IGSF22: variants seen among roughly 807,000 people sequenced by gnomAD.
IGSF22 encodes immunoglobulin superfamily member 22, also known as immunoglobulin superfamily, member 22.
In IGSF22, 119 loss-of-function variants were observed where a neutral mutation model predicts 127.0. The ratio of observed to expected loss-of-function variants is 0.94; its 90% CI spans 0.81 to 1.09. The LOEUF is 1.09. Ranked by LOEUF, IGSF22 falls within the 50% of genes least tolerant of loss-of-function variation. The pLI is 0.00. For missense variants in IGSF22, 1,518 were observed against 1,716.6 expected, an observed-to-expected ratio of 0.88 and a Z score of 2.04; for synonymous variants, 568 against 664.7, an observed-to-expected ratio of 0.85 and a Z score of 2.24.
chr11:18,713,177 G>C (rs1258275813), intron 14 of IGSF22, among the ~76,000 whole-genome samples: 1 of 138,594 alleles, frequency 7.2e-6, no homozygotes, highest in Admixed American at 7.5e-5. Context: ...TTTGGTGACA[G>C]AGTCTTGCTC....
Position 18,714,398 on chromosome 11 carries a change from C to A in IGSF22, c.1677G>T (p.Met559Ile). 1 of 1,614,048 alleles carries A rather than the reference C, an allele frequency of 6.2e-7. No individual in the cohort carries two copies. Residue 559 changes from methionine to isoleucine, a missense_variant, in exon 13 of 23, where the codon ATG (methionine) becomes ATT (isoleucine). By Grantham distance (10) the Met-to-Ile change is conservative (BLOSUM62 1). Transcript: ENST00000513874. ...DGKEITDLPG[M>I]QIVKQGAVHK... is the part of the protein sequence containing the mutation. ...GCACTGCACCCTGCTTCACAATCTG[C>A]ATGCCTGGCAAGTCCGTGATCTGGG...
intron 21 of IGSF22, chr11:18,706,638 T>C (rs1298155282): frequency 5.2e-5 from 16 of 309,054 alleles, no homozygotes; most frequent in African/African-American, 3.0e-4. Context: ...GACCCTCCCC[T>C]CAGAGCAGAA....
In IGSF22 at chr11:18,710,737, T is replaced by TC. The variant is rs1270845608; in HGVS notation, c.2489dup (p.Ala831SerfsTer43). The TC allele has an allele frequency of 6.2e-7, 1 of 1,613,976 alleles. No homozygotes were observed. The highest frequency in any genetic ancestry group is 1.3e-5 in the African/African-American group (1 of 74,908). On this transcript the variant is annotated frameshift_variant, in exon 16 of 23. Transcript: ENST00000513874. LOFTEE classifies it high-confidence loss of function. Reference sequence around the variant, plus strand: ...CTACAATGTAGCCGAGCACTGGGGCTCCCCCATCCTGGGTAGGGGCATTCC... The same window carrying TC: ...CTACAATGTAGCCGAGCACTGGGGCTCCCCCCATCCTGGGTAGGGGCATTCC...
rs867467413 is a variant in IGSF22 at position 18,712,200 on chromosome 11, G to T, written c.2280C>A (p.Asn760Lys). Residue 760 changes from asparagine to lysine, a missense_variant, in exon 15 of 23, where the codon AAC becomes AAA. By Grantham distance (94) the Asn-to-Lys change is moderately conservative (BLOSUM62 0). This residue lies in a region of IGSF22 where 1,456 missense variants were observed against 1,644.9 expected (regional missense o/e 0.89). Coordinates refer to ENST00000513874, the MANE Select transcript of IGSF22 (RefSeq NM_173588.4). ...KIGEVDGKVT[N>K]FSTNKVEEGK... The stretch of plus-strand genomic sequence containing the variant: ...CCTCTTCCACCTTGTTGGTGGAGAA[G>T]TTGGTGACTTTGCCGTCCACCTCGC... 45 of 1,551,762 alleles carry T rather than the reference G, an allele frequency of 2.9e-5. No homozygotes were observed. Among genetic ancestry groups the T allele is most frequent in the African/African-American group, 2.9e-4 (21 of 73,180 alleles).
At chr11:18,711,938 T>A in intron 15 of IGSF22, 144 bp downstream of exon 15, 1 of 714,786 alleles carries the variant, frequency 1.4e-6, no homozygotes, top group South Asian at 1.9e-5. Context: ...TGATGTTCTG[T>A]TTTTACTCTG....
rs751602308 is a variant in IGSF22 at position 18,720,208 on chromosome 11, G to T, written c.456C>A (p.Thr152=). Residue 152 remains threonine, a synonymous_variant, in exon 5 of 23, where the codon ACC becomes ACA. Transcript: ENST00000513874. ...ASNDHADAIY[T]VSLLVTEGQE... ...CACCTTCTGTTACCAGCAGAGATAC[G>T]GTATAGATGGCATCTGCATGGTCAT... 6.2e-7 allele frequency: 1 copy of T among 1,613,968 alleles called. No homozygotes were observed. The highest frequency in any genetic ancestry group is 8.5e-7 in the Non-Finnish European group (1 of 1,179,974).
Position 18,709,089 on chromosome 11 carries a change from A to G in IGSF22, c.2998+298T>C, listed in dbSNP as rs1848301300. Among the ~76,000 whole-genome samples the G allele has an allele frequency of 6.6e-6, 1 of 152,226 alleles. No homozygotes were observed. On this transcript the variant is annotated intron_variant, in intron 18 of 22. Coordinates refer to ENST00000513874, the MANE Select transcript of IGSF22 (RefSeq NM_173588.4). This position sits in a 1 kb window ranked among gnomAD's most constrained non-coding sequence, Gnocchi z 4.8. ...ATACAGCATGGCTGGCCTTGTGTCC[A>G]TTAAACTCTTTGTTGCAATGCTGTG...
intron 4 of IGSF22, among the ~76,000 whole-genome samples, chr11:18,721,127 C>A (rs1848563408): frequency 6.6e-6 from 1 of 152,162 alleles, no homozygotes; most frequent in African/African-American, 2.4e-5. Flanking sequence ...GAGCCCCTGA[C>A]CCTCACCCCT....
In IGSF22 at chr11:18,704,423, ACT is replaced by A. The variant is rs2134152924; in HGVS notation, c.*43_*44del. The A allele has an allele frequency of 1.5e-6, 2 of 1,371,448 alleles. No homozygotes were observed. The highest frequency in any genetic ancestry group is 5.0e-5 in the East Asian group (2 of 39,998). The allele number at this position is 1,371,448 out of a possible 1,614,324, so 85.0% of individuals were successfully genotyped here. On this transcript the variant is annotated 3_prime_UTR_variant, in exon 23 of 23. Coordinates refer to ENST00000513874, the MANE Select transcript of IGSF22 (RefSeq NM_173588.4). ...GGCCATGCAGAGGACAGGCCAAGAA[ACT>A]CCACATCATAACAGCCTCCTGATGC...
In IGSF22 at chr11:18,716,570, G is replaced by C. The variant is rs79483395; in HGVS notation, c.1246+158C>G. Reference sequence around the variant, plus strand: ...ATACCTGCCTCCCCTACTAGACTAGGGGTTAACAGAGAGGAGATCCCCCTG... The same window carrying C: ...ATACCTGCCTCCCCTACTAGACTAGCGGTTAACAGAGAGGAGATCCCCCTG... On this transcript the variant is annotated intron_variant, in intron 10 of 22. Transcript: ENST00000513874. This position sits in a 1 kb window ranked among gnomAD's most constrained non-coding sequence, Gnocchi z 4.5. 1.3e-5 allele frequency among the ~76,000 whole-genome samples: 2 copies of C among 152,066 alleles called. No homozygotes were observed. The highest frequency in any genetic ancestry group is 2.9e-5 in the Non-Finnish European group (2 of 68,012).
intron 20 of IGSF22, 37 bp downstream of exon 20, chr11:18,707,767 G>A (rs1848270097): frequency 1.3e-6 from 2 of 1,526,514 alleles, no homozygotes; most frequent in Admixed American, 2.0e-5. Context: ...AGAGTGTACA[G>A]GGATGGGTCT....
chr11:18,712,045 C>T, intron 15 of IGSF22, 37 bp downstream of exon 15: 1 of 1,518,644 alleles, frequency 6.6e-7, no homozygotes, highest in Admixed American at 2.0e-5. Flanking sequence ...ATGCTGACCC[C>T]TGGGTTCCCC....
In IGSF22 at chr11:18,705,855, A is replaced by C; in HGVS notation, c.3872T>G (p.Leu1291Arg). The C allele has an allele frequency of 6.4e-7, 1 of 1,550,784 alleles. No homozygotes were observed. Among genetic ancestry groups the C allele is most frequent in the Non-Finnish European group, 8.7e-7 (1 of 1,146,894 alleles). ...GDYSVLVENELGKDRSSCTLT... is the reference protein window; with the variant it reads ...GDYSVLVENERGKDRSSCTLT... ...CGTGCAGCTGCTGCGGTCCTTGCCC[A>C]GCTCGTTCTCCACCAGCACGCTGTA... The change falls in exon 22 of 23, where the codon CTG becomes CGG. Residue 1291 changes from leucine to arginine, a missense_variant. Physicochemically the swap from Leu to Arg is moderately radical, Grantham distance 102. Coordinates refer to ENST00000513874, the MANE Select transcript of IGSF22 (RefSeq NM_173588.4).
At chr11:18,724,803 T>TTTTCTTACA (rs1564878383) in intron 1 of IGSF22, among the ~76,000 whole-genome samples, 1 of 152,196 alleles carries the variant, frequency 6.6e-6, no homozygotes, top group Non-Finnish European at 1.5e-5. Context: ...AAGGTTTAGT[T>TTTTCTTACA]TTTCTTACAT....
chr11:18,710,678 G>A lies in IGSF22; in HGVS notation c.2549C>T (p.Pro850Leu). The A allele has an allele frequency of 1.9e-6, 3 of 1,613,184 alleles. No homozygotes were observed. Among genetic ancestry groups the A allele is most frequent in the African/African-American group, 1.3e-5 (1 of 75,036 alleles). ...RRKKGSNLWV[P>L]VNKDPIQGTK... ...ACCCTGGATGGGGTCCTTGTTGACT[G>A]GCACCCACAGGTTGCTGCCTTTCTT... Residue 850 changes from proline to leucine, a missense_variant, in exon 16 of 23, where the codon CCA (proline) becomes CTA (leucine). Around this residue, in one of 3 missense-constraint regions of IGSF22, gnomAD observed 1,456 missense variants for 1,644.9 expected, o/e 0.89. Coordinates refer to ENST00000513874, the MANE Select transcript of IGSF22 (RefSeq NM_173588.4).
chr11:18,705,837 C>T lies in IGSF22; in HGVS notation c.3890G>A (p.Ser1297Asn). ...VENELGKDRSSCTLTVYDKDD... is the reference protein window; with the variant it reads ...VENELGKDRSNCTLTVYDKDD... ...CTCACCATAGACGGTGAGCGTGCAG[C>T]TGCTGCGGTCCTTGCCCAGCTCGTT... is the stretch of plus-strand genomic sequence containing the variant. Residue 1297 changes from serine (S) to asparagine (N), a missense_variant, in exon 22 of 23, where the codon AGC becomes AAC. Around this residue, in one of 3 missense-constraint regions of IGSF22, gnomAD observed 58 missense variants for 53.0 expected, o/e 1.10. Coordinates refer to ENST00000513874, the MANE Select transcript of IGSF22 (RefSeq NM_173588.4). The T allele has an allele frequency of 6.5e-7, 1 of 1,548,356 alleles. No individual in the cohort carries two copies. Among genetic ancestry groups the T allele is most frequent in the Non-Finnish European group, 8.7e-7 (1 of 1,145,932 alleles).
intron 2 of IGSF22, among the ~76,000 whole-genome samples, chr11:18,723,135 G>A (rs1262060686): frequency 6.6e-6 from 1 of 152,150 alleles, no homozygotes; most frequent in Non-Finnish European, 1.5e-5. Context: ...TATGTTCCCT[G>A]CCTGGGCCCT....
rs200656412 is a variant in IGSF22, at chr11:18,712,261, C to G, written c.2219G>C (p.Arg740Pro). 1 of 1,551,648 alleles carries G rather than the reference C, an allele frequency of 6.4e-7. No homozygotes were observed. Among genetic ancestry groups the G allele is most frequent in the South Asian group, 1.2e-5 (1 of 84,070 alleles). Reference protein sequence around the residue: ...GRPVTQFIVERRAVGKKSWIK... With the variant: ...GRPVTQFIVEPRAVGKKSWIK... ...CCAGGACTTCTTGCCAACTGCCCTCCGTTCCACTATGAACTGTGTCACAGG... is the reference window on the plus strand; with the variant it reads ...CCAGGACTTCTTGCCAACTGCCCTCGGTTCCACTATGAACTGTGTCACAGG... The change falls in exon 15 of 23, where the codon CGG becomes CCG. Residue 740 changes from arginine (R) to proline (P), a missense_variant. Physicochemically the swap from Arg to Pro is moderately radical, Grantham distance 103. Transcript: ENST00000513874.
At position 18,716,973 on chromosome 11, in the gene IGSF22, A is replaced by C; in HGVS notation, c.1001T>G (p.Met334Arg). ...LDEPLKFLGE[M>R]KPVKVTERQT... ...GCGCTCTGTCACCTTCACAGGCTTC[A>C]TCTCTCCCAGGAACTTCAGTGGCTC... The change falls in exon 10 of 23, where the codon ATG (methionine) becomes AGG (arginine). Residue 334 changes from methionine (M) to arginine (R), a missense_variant. Transcript: ENST00000513874. This position sits in a 1 kb window ranked among gnomAD's most constrained non-coding sequence, Gnocchi z 4.5. 1 of 1,614,132 alleles carries C rather than the reference A, an allele frequency of 6.2e-7. No homozygotes were observed. Among genetic ancestry groups the C allele is most frequent in the Non-Finnish European group, 8.5e-7 (1 of 1,180,016 alleles).
Sources: gnomAD v4.1 joint callset for allele counts (sites outside exome capture counted in the v4.1 genomes callset) on GRCh38, gnomAD v4.1.1 for gene constraint, gnomAD v4.1.1 regional missense constraint, Gnocchi (gnomAD v3.1) non-coding constraint, MANE v1.5 for transcripts, NCBI Gene and HGNC (gene_info 2026-07-23, HGNC 2026-07-21) for gene names.